Variants in USP7 observed in about 807,000 individuals in gnomAD.
USP7 encodes ubiquitin specific peptidase 7.
USP7 carries 9 observed loss-of-function variants against 162.9 expected under a neutral mutation model. The ratio of observed to expected loss-of-function variants is 0.06; its 90% CI spans 0.03 to 0.10. The LOEUF (loss-of-function observed/expected upper bound fraction) is 0.10, where lower values mean the gene tolerates loss of function less well. USP7 is among the 10% of genes least tolerant of loss of function. USP7 has a pLI of 1.00. For missense variants in USP7, 715 were observed against 1,373.7 expected, an observed-to-expected ratio of 0.52 and a Z score of 7.58; for synonymous variants, 562 against 475.9, an observed-to-expected ratio of 1.18 and a Z score of -2.35.
chr16:8,960,790 G>GT (rs1487681059), intron 1 of USP7, among the ~76,000 whole-genome samples: 1 of 152,158 alleles, frequency 6.6e-6, no homozygotes, highest in Non-Finnish European at 1.5e-5. Flanking sequence ...CATTCCAATC[G>GT]TAAGGCTAGT....
chr16:8,930,786 T>C (rs1215027111), intron 1 of USP7, among the ~76,000 whole-genome samples: 4 of 152,122 alleles, frequency 2.6e-5, no homozygotes, highest in Admixed American at 2.6e-4. Flanking sequence ...CTGGCCAACA[T>C]GGTGAAACCC....
chr16:8,913,024 C>G (rs2061973068), intron 10 of USP7, among the ~76,000 whole-genome samples: 1 of 152,044 alleles, frequency 6.6e-6, no homozygotes, highest in African/African-American at 2.4e-5. Flanking sequence ...CAGCCAGAAT[C>G]AAACAACTGA....
chr16:8,940,782 G>C (rs939025493), intron 1 of USP7, among the ~76,000 whole-genome samples: 4 of 152,076 alleles, frequency 2.6e-5, no homozygotes, highest in African/African-American at 9.7e-5. Flanking sequence ...GCTTCAGGTA[G>C]GGCCCTGGAA....
chr16:8,939,566 G>C (rs992579065), intron 1 of USP7, among the ~76,000 whole-genome samples: 1 of 152,192 alleles, frequency 6.6e-6, no homozygotes, highest in Non-Finnish European at 1.5e-5. Context: ...GCAAATGTTA[G>C]CTAGCAACAA....
rs2061669307 is a variant in USP7 at position 8,895,628 on chromosome 16, T to C, written c.2919+14A>G. On this transcript the variant is annotated intron_variant, in intron 27 of 30. Coordinates refer to ENST00000344836, the MANE Select transcript of USP7 (RefSeq NM_003470.3). The stretch of plus-strand genomic sequence containing the variant: ...TGAATTCTCTCTGGTGCCAACAGTA[T>C]CGGGGACAGATACCTCTATTCGAAA... 1 of 1,602,574 alleles carries C rather than the reference T, an allele frequency of 6.2e-7. No individual in the cohort carries two copies. Among genetic ancestry groups the C allele is most frequent in the African/African-American group, 1.3e-5 (1 of 74,584 alleles).
At chr16:8,894,229 A>G in intron 30 of USP7, 125 bp from the exon 31 acceptor site, 1 of 888,208 alleles carries the variant, frequency 1.1e-6, no homozygotes, top group South Asian at 1.4e-5. Flanking sequence ...GGAAGCCAGG[A>G]CCTGAGCTAC....
In USP7 at chr16:8,898,420, T is replaced by G. The variant is rs780450304; in HGVS notation, c.2658A>C (p.Thr886=). ...LYYQQLKMKI[T]DFENRRSFKC... ...TAAAACTTCGCCTGTTCTCAAAGTC[T>G]GTGATTTTCATCTTAAGCTATTAAG... The change falls in exon 25 of 31, where the codon ACA becomes ACC. Residue 886 remains threonine, a synonymous_variant. Transcript: ENST00000344836. The G allele has an allele frequency of 6.2e-7, 1 of 1,613,300 alleles. No individual in the cohort carries two copies. Among genetic ancestry groups the G allele is most frequent in the Non-Finnish European group, 8.5e-7 (1 of 1,179,892 alleles).
At position 8,904,549 on chromosome 16, in the gene USP7, C is replaced by A. The variant is rs755588601; in HGVS notation, c.1590G>T (p.Ala530=). 1 of 1,613,890 alleles carries A rather than the reference C, an allele frequency of 6.2e-7. No homozygotes were observed. The highest frequency in any genetic ancestry group is 8.5e-7 in the Non-Finnish European group (1 of 1,180,022). Residue 530 remains alanine (A), a synonymous_variant, in exon 15 of 31, where the codon GCG becomes GCT. Transcript: ENST00000344836. The part of the protein sequence containing the change: ...RESKLSEVLQ[A]VTDHDIPQQL... ...GCTGAGGAATATCATGGTCGGTGACCGCCTGTAAAACTTCACCTGCAGGAC... is the reference window on the plus strand; with the variant it reads ...GCTGAGGAATATCATGGTCGGTGACAGCCTGTAAAACTTCACCTGCAGGAC...
chr16:8,951,645 T>A (rs1020590074), intron 1 of USP7, among the ~76,000 whole-genome samples: 4 of 152,202 alleles, frequency 2.6e-5, no homozygotes, highest in African/African-American at 9.7e-5. Context: ...TCTAACTCTG[T>A]ACATCTAGAG....
intron 8 of USP7, 140 bp from the exon 9 acceptor site, chr16:8,915,665 A>T: frequency 6.7e-6 from 5 of 751,636 alleles, no homozygotes; most frequent in Non-Finnish European, 1.1e-5. Context: ...CAATTCTCAA[A>T]AACATACAAA....
intron 13 of USP7, among the ~76,000 whole-genome samples, chr16:8,905,643 CT>C (rs2061848100): frequency 6.6e-6 from 1 of 152,212 alleles, no homozygotes; most frequent in Non-Finnish European, 1.5e-5. Flanking sequence ...ATTCAATCTA[CT>C]GACACTACCA....
chr16:8,896,798 T>C (rs1341505867), intron 26 of USP7, among the ~76,000 whole-genome samples: 2 of 152,142 alleles, frequency 1.3e-5, no homozygotes, highest in Non-Finnish European at 2.9e-5. Context: ...GGGTTACCCC[T>C]GAGACTTGAA....
intron 26 of USP7, 48 bp from the exon 27 acceptor site, chr16:8,895,789 C>A (rs1169055778): frequency 3.2e-6 from 4 of 1,241,944 alleles, no homozygotes; most frequent in Non-Finnish European, 3.4e-6. Flanking sequence ...TATATATATT[C>A]ACATAAAAAT....
intron 1 of USP7, among the ~76,000 whole-genome samples, chr16:8,951,782 T>C (rs1899565540): frequency 6.6e-6 from 1 of 152,252 alleles, no homozygotes; most frequent in South Asian, 2.1e-4. Context: ...GCTTTAGGAA[T>C]GATTCATTCA....
At chr16:8,949,379 G>C (rs899322132) in intron 1 of USP7, among the ~76,000 whole-genome samples, 27 of 152,114 alleles carry the variant, frequency 1.8e-4, no homozygotes, top group Admixed American at 1.3e-4. Context: ...ACTACTGTTC[G>C]AGGCATTGAA....
chr16:8,949,624 T>G (rs891114845), intron 1 of USP7: 1 of 152,476 alleles, frequency 6.6e-6, no homozygotes, highest in Non-Finnish European at 1.5e-5. Context: ...TCACCATGCC[T>G]TCCTTCTCTC....
In USP7 at chr16:8,894,570, T is replaced by A; in HGVS notation, c.3182A>T (p.Lys1061Ile). ...INEDEYEVNL[K>I]DFEPQPGNMS... ...CTTACCGGGCTGTGGCTCAAAGTCTTTCAAATTTACTTCATACTCGTCTTC... is the reference window on the plus strand; with the variant it reads ...CTTACCGGGCTGTGGCTCAAAGTCTATCAAATTTACTTCATACTCGTCTTC... Residue 1061 changes from lysine (K) to isoleucine (I), a missense_variant, in exon 30 of 31, where the codon AAA becomes ATA. Physicochemically the swap from Lys to Ile is moderately radical, Grantham distance 102 (BLOSUM62 -3). Coordinates refer to ENST00000344836, the MANE Select transcript of USP7 (RefSeq NM_003470.3). 1.2e-6 allele frequency: 2 copies of A among 1,613,202 alleles called. No individual in the cohort carries two copies. Among genetic ancestry groups the A allele is most frequent in the Non-Finnish European group, 1.7e-6 (2 of 1,180,026 alleles).
chr16:8,923,336 G>T lies in USP7; in HGVS notation c.262C>A (p.Pro88Thr), dbSNP rs761007449. 3.1e-6 allele frequency: 5 copies of T among 1,614,166 alleles called. No homozygotes were observed. The South Asian group carries it at 4.4e-5, about 14-fold the overall frequency. Residue 88 changes from proline to threonine, a missense_variant, in exon 3 of 31, where the codon CCT becomes ACT. Physicochemically the swap from Pro to Thr is conservative, Grantham distance 38. Around this residue, in one of 11 missense-constraint regions of USP7, gnomAD observed 137 missense variants for 123.5 expected, o/e 1.11. Coordinates refer to ENST00000344836, the MANE Select transcript of USP7 (RefSeq NM_003470.3). ...FSRLSESVLS[P>T]PCFVRNLPWK... ...GGCAGATTTCGCACAAAACACGGAG[G>T]GCTAAGGACCGACTCACTCAGTCTG...
intron 1 of USP7, among the ~76,000 whole-genome samples, chr16:8,936,356 CTT>C (rs1299457918): frequency 3.3e-5 from 5 of 152,154 alleles, no homozygotes; most frequent in African/African-American, 1.2e-4. Flanking sequence ...ATGGTCCTCT[CTT>C]GACCTCTCAT....
Sources: gnomAD v4.1 joint callset for allele counts (sites outside exome capture counted in the v4.1 genomes callset) on GRCh38, gnomAD v4.1.1 for gene constraint, gnomAD v4.1.1 regional missense constraint, MANE v1.5 for transcripts, NCBI Gene and HGNC (gene_info 2026-07-23, HGNC 2026-07-21) for gene names.